COL4A6: variants seen among roughly 807,000 people sequenced by gnomAD.
The protein encoded by COL4A6 is collagen type IV alpha 6 chain.
In COL4A6, 59 loss-of-function variants were observed where a neutral mutation model predicts 126.7. The ratio of observed to expected loss-of-function variants is 0.47; its 90% CI spans 0.38 to 0.58. The LOEUF (loss-of-function observed/expected upper bound fraction) is 0.58, where lower values mean the gene tolerates loss of function less well. Ranked by LOEUF, COL4A6 falls within the 20% of genes least tolerant of loss-of-function variation. The pLI is 0.00. For synonymous variants in COL4A6, 547 were observed against 496.6 expected (o/e 1.10, Z -1.35); for missense variants, 1,285 against 1,337.3 (o/e 0.96, Z 0.61).
intron 2 of COL4A6, among the ~76,000 whole-genome samples, chrX:108,318,274 A>G (rs1057494778): frequency 2.7e-5 from 3 of 111,866 alleles, no homozygotes; most frequent in African/African-American, 9.8e-5. Flanking sequence ...ATCATAATGA[A>G]TGGGCAAAAA....
At chrX:108,275,837 G>T (rs753935883) in intron 3 of COL4A6, among the ~76,000 whole-genome samples, 95 of 112,958 alleles carry the variant, frequency 8.4e-4, no homozygotes, top group African/African-American at 2.9e-3. Flanking sequence ...GACTGAGATT[G>T]GCATACGGGT....
intron 2 of COL4A6, among the ~76,000 whole-genome samples, chrX:108,401,593 T>C (rs1044972008): frequency 9.0e-6 from 1 of 110,876 alleles, no homozygotes; most frequent in Non-Finnish European, 1.9e-5. Context: ...GAATTATGGG[T>C]GGGTACTCTT....
chrX:108,363,405 C>T (rs889983523), intron 2 of COL4A6, among the ~76,000 whole-genome samples: 1 of 111,680 alleles, frequency 9.0e-6, no homozygotes, highest in African/African-American at 3.3e-5. Flanking sequence ...TATAATACCA[C>T]ATTTGCCCTG....
intron 2 of COL4A6, among the ~76,000 whole-genome samples, chrX:108,409,080 T>C (rs370194077): frequency 8.9e-6 from 1 of 112,456 alleles, no homozygotes; most frequent in African/African-American, 3.2e-5. Context: ...AAACCACCGG[T>C]CTAGATAATT....
intron 2 of COL4A6, among the ~76,000 whole-genome samples, chrX:108,351,937 T>C (rs934601689): frequency 1.1e-4 from 12 of 112,235 alleles, no homozygotes; most frequent in African/African-American, 3.9e-4. Context: ...AGAGATCATT[T>C]CTGCCAGGGA....
intron 2 of COL4A6, among the ~76,000 whole-genome samples, chrX:108,335,426 C>T (rs377183229): frequency 1.8e-5 from 2 of 111,905 alleles, no homozygotes; most frequent in Non-Finnish European, 3.8e-5. Flanking sequence ...TTCATTCATT[C>T]CCATGTCTAT....
At chrX:108,280,193 A>G in intron 3 of COL4A6, among the ~76,000 whole-genome samples, 1 of 111,697 alleles carries the variant, frequency 9.0e-6, no homozygotes, top group Non-Finnish European at 1.9e-5. Flanking sequence ...CAAAAAATTA[A>G]CGAATCCAAG....
intron 36 of COL4A6, 140 bp downstream of exon 36, chrX:108,169,805 G>A: frequency 2.4e-6 from 2 of 825,662 alleles, no homozygotes; most frequent in Non-Finnish European, 1.7e-6. Context: ...CCATATCAAG[G>A]GACCTCAAAT....
At position 108,278,256 on chromosome X, in the gene COL4A6, C is replaced by T. The variant is rs145134710; in HGVS notation, c.144+32492G>A. 3.8e-3 allele frequency among the ~76,000 whole-genome samples: 428 copies of T among 111,358 alleles called. 1 individual carries two copies. The highest frequency in any genetic ancestry group is 0.014 in the African/African-American group (418 of 30,604). ...TTGAAAACTTTGAAAAAAATTTAGA[C>T]GAAAGTATAACTAGAATAATCAATA... On this transcript the variant is annotated intron_variant, in intron 3 of 44. Coordinates refer to ENST00000334504, the MANE Select transcript of COL4A6 (RefSeq NM_033641.4).
chrX:108,333,347 C>A (rs1721675996), intron 2 of COL4A6, among the ~76,000 whole-genome samples: 1 of 111,111 alleles, frequency 9.0e-6, no homozygotes, highest in African/African-American at 3.3e-5. Flanking sequence ...GCAGAAAAAA[C>A]ATTCGATAAA....
chrX:108,375,546 A>G (rs1408221209), intron 2 of COL4A6, among the ~76,000 whole-genome samples: 1 of 110,909 alleles, frequency 9.0e-6, no homozygotes, highest in East Asian at 2.8e-4. Context: ...TCTATTCCAA[A>G]CTACCTTTTC....
chrX:108,179,510 G>C lies in COL4A6; in HGVS notation c.2132-72C>G, dbSNP rs2034614612. 8 of 825,637 alleles carry C rather than the reference G, an allele frequency of 9.7e-6. No individual in the cohort carries two copies. The South Asian group carries it at 1.9e-4, about 19-fold the overall frequency. 68.0% of individuals were successfully genotyped at this position (825,637 alleles called of 1,213,427 possible). On this transcript the variant is annotated intron_variant, in intron 25 of 44. Coordinates refer to ENST00000334504, the MANE Select transcript of COL4A6 (RefSeq NM_033641.4). ...AATTTGTCTGAGTACAGATCTCTGAGACAGATTTTTCTAATATGAAAGCTA... is the reference window on the plus strand; with the variant it reads ...AATTTGTCTGAGTACAGATCTCTGACACAGATTTTTCTAATATGAAAGCTA...
chrX:108,373,316 C>A (rs192750453), intron 2 of COL4A6, among the ~76,000 whole-genome samples: 163 of 111,835 alleles, frequency 1.5e-3, no homozygotes, highest in African/African-American at 4.7e-3. Flanking sequence ...TCTTTTCAGC[C>A]GTGAGGTCTA....
At chrX:108,282,899 A>G (rs1039943247) in intron 3 of COL4A6, among the ~76,000 whole-genome samples, 2 of 106,747 alleles carry the variant, frequency 1.9e-5, no homozygotes, top group Non-Finnish European at 3.9e-5. Flanking sequence ...TCGCAAGAAC[A>G]TAAAACCAAA....
intron 3 of COL4A6, among the ~76,000 whole-genome samples, chrX:108,232,308 TA>T (rs993304647): frequency 9.0e-6 from 1 of 111,441 alleles, no homozygotes; most frequent in African/African-American, 3.3e-5. Flanking sequence ...ATTGCAAGAA[TA>T]AAAAAATCAC....
intron 28 of COL4A6, 46 bp downstream of exon 28, chrX:108,176,795 C>T (rs1223880012): frequency 3.5e-6 from 4 of 1,148,723 alleles, no homozygotes; most frequent in East Asian, 3.0e-5. Context: ...AGCTGAAATG[C>T]TCCTTTTTGG....
intron 3 of COL4A6, chrX:108,267,742 C>T (rs1274587011): frequency 1.8e-5 from 2 of 112,707 alleles, no homozygotes; most frequent in South Asian, 3.6e-4. Context: ...TTTCTTTGAG[C>T]GTGAGGCCAC....
At chrX:108,248,551 G>C (rs1335117595) in intron 3 of COL4A6, among the ~76,000 whole-genome samples, 1 of 110,549 alleles carries the variant, frequency 9.0e-6, no homozygotes, top group African/African-American at 3.3e-5. Context: ...GGTTCTGACT[G>C]ATCCACCTGC....
chrX:108,434,782 ATT>A (rs1445722336), intron 2 of COL4A6, among the ~76,000 whole-genome samples: 5 of 107,326 alleles, frequency 4.7e-5, no homozygotes, highest in East Asian at 2.8e-4. Context: ...ATATATATAT[ATT>A]ATATATTTAT....
Sources: allele counts gnomAD v4.1 joint callset (sites outside exome capture counted in the v4.1 genomes callset), GRCh38; gene constraint gnomAD v4.1.1; transcripts MANE v1.5; gene names NCBI Gene and HGNC (gene_info 2026-07-23, HGNC 2026-07-21).